The following PPP2R2B variants were observed in gnomAD, a reference collection of about 807,000 sequenced individuals.
PPP2R2B encodes serine/threonine-protein phosphatase 2A 55 kDa regulatory subunit B beta isoform.
A neutral mutation model predicts 46.0 loss-of-function variants in PPP2R2B; 5 were observed. That is an observed-to-expected ratio of 0.11 (90% confidence interval 0.06 to 0.23). The LOEUF (loss-of-function observed/expected upper bound fraction) is 0.23, where lower values mean the gene tolerates loss of function less well. Among genes scored for constraint, PPP2R2B ranks in the 10% least tolerant of loss-of-function variants. The pLI, the probability that PPP2R2B is intolerant of heterozygous loss-of-function variation, is 1.00. For missense variants in PPP2R2B, 367 were observed against 575.0 expected (o/e 0.64, Z 3.70); for synonymous variants, 215 against 206.7 (o/e 1.04, Z -0.34).
Position 146,583,849 on chromosome 5 carries a change from C to T in PPP2R2B, c.*6098G>A, listed in dbSNP as rs1380244800. On this transcript the variant is annotated 3_prime_UTR_variant, in exon 10 of 10. Transcript: ENST00000394411. ...CCATGACTCCCACAAGTATGTATTA[C>T]TCTGGCTGGAAGGGAGGGCATCCCT... is the stretch of plus-strand genomic sequence containing the variant. 1.3e-5 allele frequency: 2 copies of T among 152,226 alleles called. No individual in the cohort carries two copies. Among genetic ancestry groups the T allele is most frequent in the Non-Finnish European group, 2.9e-5 (2 of 68,054 alleles). The allele number at this position is 152,226 out of a possible 1,614,324, so 9.4% of individuals were successfully genotyped here. A position where few individuals can be genotyped will look rare whatever the true frequency, so the allele number is the denominator to read the frequency against.
chr5:146,976,664 A>T (rs1388268955), intron 1 of PPP2R2B, among the ~76,000 whole-genome samples: 2 of 152,032 alleles, frequency 1.3e-5, no homozygotes, highest in African/African-American at 4.8e-5. Flanking sequence ...TAGATGTTCT[A>T]TTCTATTCCA....
At chr5:146,746,537 T>G (rs1369621932) in intron 2 of PPP2R2B, among the ~76,000 whole-genome samples, 1 of 152,188 alleles carries the variant, frequency 6.6e-6, no homozygotes, top group Non-Finnish European at 1.5e-5. Flanking sequence ...CTCAAAGTAT[T>G]TATTCTCTAG....
intron 1 of PPP2R2B, among the ~76,000 whole-genome samples, chr5:146,993,117 A>G (rs1197053746): frequency 6.6e-6 from 1 of 151,586 alleles, no homozygotes; most frequent in African/African-American, 2.4e-5. Context: ...TAATTTTTGC[A>G]TTTTTAGTAG....
At chr5:146,749,942 T>G (rs1468552537) in intron 2 of PPP2R2B, among the ~76,000 whole-genome samples, 1 of 152,166 alleles carries the variant, frequency 6.6e-6, no homozygotes, top group Non-Finnish European at 1.5e-5. Context: ...ACATTTTATA[T>G]CTAAGTCTGT....
At chr5:146,643,070 A>G (rs1377625257) in intron 6 of PPP2R2B, among the ~76,000 whole-genome samples, 2 of 152,162 alleles carry the variant, frequency 1.3e-5, no homozygotes, top group Non-Finnish European at 2.9e-5. Flanking sequence ...AAACAAAACA[A>G]AAACTTAGGA....
chr5:146,649,548 G>A (rs760320743), intron 6 of PPP2R2B, among the ~76,000 whole-genome samples: 4 of 151,918 alleles, frequency 2.6e-5, no homozygotes, highest in African/African-American at 4.8e-5. Context: ...CAGTTCAAGC[G>A]ATTCTCCTGC....
At chr5:146,643,589 G>C (rs1229555838) in intron 6 of PPP2R2B, among the ~76,000 whole-genome samples, 1 of 152,170 alleles carries the variant, frequency 6.6e-6, no homozygotes, top group Non-Finnish European at 1.5e-5. Context: ...GGGACTCAGG[G>C]GGAAAGGGTG....
intron 2 of PPP2R2B, among the ~76,000 whole-genome samples, chr5:146,815,267 A>G (rs1380243508): frequency 1.3e-5 from 2 of 152,178 alleles, no homozygotes; most frequent in Admixed American, 6.5e-5. Context: ...TGTTAACATC[A>G]TCACTGGTCT....
intron 2 of PPP2R2B, chr5:146,856,642 G>T: frequency 8.1e-7 from 1 of 1,241,854 alleles, no homozygotes. Context: ...TTCAACTTTT[G>T]GTAACATACA....
chr5:146,958,793 T>A (rs1037503076), intron 1 of PPP2R2B, among the ~76,000 whole-genome samples: 2 of 152,240 alleles, frequency 1.3e-5, no homozygotes, highest in Non-Finnish European at 2.9e-5. Flanking sequence ...ATCATTACTA[T>A]CTTCCGAGTG....
chr5:147,030,256 G>A (rs1325311339), intron 1 of PPP2R2B, among the ~76,000 whole-genome samples: 1 of 152,102 alleles, frequency 6.6e-6, no homozygotes, highest in Non-Finnish European at 1.5e-5. Flanking sequence ...TCTTATAAAT[G>A]ATATAACCCC....
intron 1 of PPP2R2B, among the ~76,000 whole-genome samples, chr5:146,961,025 A>G (rs758031857): frequency 1.3e-5 from 2 of 152,190 alleles, no homozygotes; most frequent in Non-Finnish European, 2.9e-5. Flanking sequence ...CCCAGCTTTT[A>G]TCCTCTTATG....
intron 2 of PPP2R2B, chr5:146,706,883 A>G: frequency 7.9e-7 from 1 of 1,261,954 alleles, no homozygotes; most frequent in Non-Finnish European, 1.2e-6. Flanking sequence ...AATGGACAGC[A>G]CCACAGACGT....
At chr5:146,823,215 T>C (rs1758375835) in intron 2 of PPP2R2B, among the ~76,000 whole-genome samples, 1 of 152,044 alleles carries the variant, frequency 6.6e-6, no homozygotes, top group African/African-American at 2.4e-5. Flanking sequence ...TTCTTTTTTT[T>C]GAGATGGAGT....
chr5:146,683,019 A>T (rs1778275755), intron 5 of PPP2R2B, among the ~76,000 whole-genome samples: 1 of 152,116 alleles, frequency 6.6e-6, no homozygotes, highest in Non-Finnish European at 1.5e-5. Context: ...AACCCATCTG[A>T]TCTTCAGGAT....
intron 2 of PPP2R2B, among the ~76,000 whole-genome samples, chr5:146,743,734 T>C (rs1049607227): frequency 3.3e-5 from 5 of 152,204 alleles, no homozygotes; most frequent in African/African-American, 1.2e-4. Flanking sequence ...CTTTGCAGTA[T>C]AAGAAAGAAA....
chr5:146,643,665 A>G (rs955079814), intron 6 of PPP2R2B, among the ~76,000 whole-genome samples: 6 of 152,224 alleles, frequency 3.9e-5, no homozygotes, highest in Non-Finnish European at 8.8e-5. Context: ...AGATGGGTGC[A>G]CCAAATTCTC....
At chr5:146,713,304 A>G (rs1420259535) in intron 2 of PPP2R2B, among the ~76,000 whole-genome samples, 3 of 152,170 alleles carry the variant, frequency 2.0e-5, no homozygotes, top group African/African-American at 7.2e-5. Flanking sequence ...ACAAGGGGTA[A>G]ATAGGTAGGA....
At chr5:146,800,859 G>T (rs1350997180) in intron 2 of PPP2R2B, among the ~76,000 whole-genome samples, 1 of 151,888 alleles carries the variant, frequency 6.6e-6, no homozygotes, top group Non-Finnish European at 1.5e-5. Flanking sequence ...AGATATGGAA[G>T]CAACCTAAAT....
Sources: gnomAD v4.1 joint callset for allele counts (sites outside exome capture counted in the v4.1 genomes callset) on GRCh38, gnomAD v4.1.1 for gene constraint, MANE v1.5 for transcripts, NCBI Gene and HGNC (gene_info 2026-07-23, HGNC 2026-07-21) for gene names.